Variants in PAK5 observed in about 807,000 individuals in gnomAD.
PAK5 encodes the protein p21 (RAC1) activated kinase 5, also known as serine/threonine-protein kinase PAK 5.
A neutral mutation model predicts 65.9 loss-of-function variants in PAK5; 16 were observed. The observed-to-expected ratio is 0.24, with a 90% CI of 0.16 to 0.37. PAK5 has a LOEUF of 0.37. Among genes scored for constraint, PAK5 ranks in the 10% least tolerant of loss-of-function variants. The pLI is 1.00. For missense variants in PAK5, 785 were observed against 903.9 expected, an observed-to-expected ratio of 0.87 and a Z score of 1.69; for synonymous variants, 371 against 354.9, an observed-to-expected ratio of 1.05 and a Z score of -0.51.
chr20:9,726,909 A>T (rs903141633), intron 1 of PAK5, among the ~76,000 whole-genome samples: 4 of 152,200 alleles, frequency 2.6e-5, no homozygotes, highest in African/African-American at 9.7e-5. Flanking sequence ...CTGGGATATG[A>T]TTAATTCAAC....
At chr20:9,613,810 A>T (rs545288119) in intron 3 of PAK5, among the ~76,000 whole-genome samples, 1 of 152,300 alleles carries the variant, frequency 6.6e-6, no homozygotes, top group South Asian at 2.1e-4. Context: ...CACAGGCTCA[A>T]GACAGACTGG....
intron 1 of PAK5, among the ~76,000 whole-genome samples, chr20:9,747,902 G>C (rs1468719161): frequency 6.6e-6 from 1 of 151,748 alleles, no homozygotes; most frequent in African/African-American, 2.4e-5. Context: ...AATTGTCCCT[G>C]TTTGCAGATG....
In PAK5 at chr20:9,612,673, A is replaced by G. The variant is rs116300358; in HGVS notation, c.204+31452T>C. On this transcript the variant is annotated intron_variant, in intron 3 of 9. Coordinates refer to ENST00000353224, the MANE Select transcript of PAK5 (RefSeq NM_177990.4). ...TCACCTCCCACCAGGCCCAGGCTCCAACATGAGTGATTACAATGCAACATG... is the reference window on the plus strand; with the variant it reads ...TCACCTCCCACCAGGCCCAGGCTCCGACATGAGTGATTACAATGCAACATG... Among the ~76,000 whole-genome samples, 661 of 152,208 alleles carry G rather than the reference A, an allele frequency of 4.3e-3. 4 individuals are homozygous for G. Among genetic ancestry groups the G allele is most frequent in the African/African-American group, 0.015 (625 of 41,536 alleles).
At chr20:9,645,434 C>T (rs977902123) in intron 2 of PAK5, among the ~76,000 whole-genome samples, 4 of 152,220 alleles carry the variant, frequency 2.6e-5, no homozygotes, top group African/African-American at 4.8e-5. Flanking sequence ...TCTGCATCTA[C>T]TCATCTGTGA....
At chr20:9,734,517 G>A (rs1349195081) in intron 1 of PAK5, among the ~76,000 whole-genome samples, 1 of 151,230 alleles carries the variant, frequency 6.6e-6, no homozygotes, top group African/African-American at 2.4e-5. Context: ...AAGAAAGCAA[G>A]AGAGAAAAAG....
intron 1 of PAK5, among the ~76,000 whole-genome samples, chr20:9,713,837 T>C (rs1488315133): frequency 6.6e-6 from 1 of 151,982 alleles, no homozygotes; most frequent in Non-Finnish European, 1.5e-5. Context: ...GAATAATGGT[T>C]TCCAGAGACT....
chr20:9,697,115 C>G (rs981712074), intron 2 of PAK5, among the ~76,000 whole-genome samples: 4 of 151,968 alleles, frequency 2.6e-5, no homozygotes, highest in Admixed American at 1.3e-4. Flanking sequence ...CCTCCTTCCC[C>G]CAAAAGACTT....
At chr20:9,658,593 T>C (rs2047301470) in intron 2 of PAK5, among the ~76,000 whole-genome samples, 1 of 152,162 alleles carries the variant, frequency 6.6e-6, no homozygotes, top group East Asian at 1.9e-4. Context: ...TTGCCAATGA[T>C]TGGCTACTGT....
intron 2 of PAK5, among the ~76,000 whole-genome samples, chr20:9,692,922 A>G (rs1186535333): frequency 6.6e-6 from 1 of 152,134 alleles, no homozygotes; most frequent in African/African-American, 2.4e-5. Flanking sequence ...CAACACACGA[A>G]CTCACAAAAC....
intron 1 of PAK5, among the ~76,000 whole-genome samples, chr20:9,749,148 T>C (rs912392200): frequency 1.3e-5 from 2 of 152,168 alleles, no homozygotes; most frequent in Non-Finnish European, 1.5e-5. Flanking sequence ...AAAAACTCAG[T>C]ATCTTACTTT....
At chr20:9,793,927 C>A (rs181869596) in intron 1 of PAK5, among the ~76,000 whole-genome samples, 1 of 152,226 alleles carries the variant, frequency 6.6e-6, no homozygotes, top group East Asian at 1.9e-4. Context: ...GGAACCAATC[C>A]AGATGCCCAT....
intron 7 of PAK5, 113 bp from the exon 8 acceptor site, chr20:9,544,607 C>A (rs557546342): frequency 5.2e-6 from 5 of 960,992 alleles, no homozygotes; most frequent in African/African-American, 4.8e-5. Flanking sequence ...CATCAACAGG[C>A]CTTGGACATA....
chr20:9,764,444 A>C (rs916544183), intron 1 of PAK5, among the ~76,000 whole-genome samples: 1 of 152,154 alleles, frequency 6.6e-6, no homozygotes, highest in Non-Finnish European at 1.5e-5. Flanking sequence ...CTCCATTTTA[A>C]TGCTACCTTT....
At chr20:9,547,559 C>G (rs2045363489) in intron 7 of PAK5, among the ~76,000 whole-genome samples, 1 of 152,102 alleles carries the variant, frequency 6.6e-6, no homozygotes, top group Non-Finnish European at 1.5e-5. Flanking sequence ...ACTGGAAGAG[C>G]CAGGATTCGG....
At chr20:9,796,408 T>G (rs979653294) in intron 1 of PAK5, among the ~76,000 whole-genome samples, 1 of 151,978 alleles carries the variant, frequency 6.6e-6, no homozygotes, top group African/African-American at 2.4e-5. Flanking sequence ...CAGACACAAA[T>G]GGCCCCAAGA....
intron 1 of PAK5, among the ~76,000 whole-genome samples, chr20:9,759,047 T>G (rs2048668186): frequency 1.3e-5 from 2 of 152,132 alleles, no homozygotes; most frequent in South Asian, 4.2e-4. Flanking sequence ...AATGTAATAT[T>G]TGCTTGGCTC....
intron 1 of PAK5, among the ~76,000 whole-genome samples, chr20:9,740,346 C>T (rs907851433): frequency 6.6e-6 from 1 of 152,076 alleles, no homozygotes; most frequent in African/African-American, 2.4e-5. Flanking sequence ...ATGTGAAAGG[C>T]ATTTGTGTGG....
intron 1 of PAK5, among the ~76,000 whole-genome samples, chr20:9,777,201 A>G (rs2048895905): frequency 6.6e-6 from 1 of 152,176 alleles, no homozygotes. Flanking sequence ...AGAAAAGAGA[A>G]CTGTGCATTG....
At chr20:9,724,362 T>G (rs1245413294) in intron 1 of PAK5, among the ~76,000 whole-genome samples, 2 of 152,150 alleles carry the variant, frequency 1.3e-5, no homozygotes, top group Admixed American at 6.5e-5. Context: ...GTGTCCTCAT[T>G]GACTTGGTTT....
Sources: gnomAD v4.1 joint callset for allele counts (sites outside exome capture counted in the v4.1 genomes callset) on GRCh38, gnomAD v4.1.1 for gene constraint, MANE v1.5 for transcripts, NCBI Gene and HGNC (gene_info 2026-07-23, HGNC 2026-07-21) for gene names.